OLA1: variants seen among roughly 807,000 people sequenced by gnomAD.
OLA1 encodes obg-like ATPase 1.
Under a neutral mutation model 48.4 loss-of-function variants are expected in OLA1, and 14 were observed. The observed-to-expected ratio is 0.29, with a 90% confidence interval of 0.19 to 0.45. The LOEUF (loss-of-function observed/expected upper bound fraction) is 0.45, where lower values mean the gene tolerates loss of function less well. Among genes scored for constraint, OLA1 ranks in the 20% least tolerant of loss-of-function variants. The pLI is 1.00. For synonymous variants in OLA1, 127 were observed against 150.4 expected, an observed-to-expected ratio of 0.84 and a Z score of 1.14; for missense variants, 325 against 467.1, an observed-to-expected ratio of 0.70 and a Z score of 2.80.
At chr2:174,226,662 G>A (rs1688623313) in intron 3 of OLA1, among the ~76,000 whole-genome samples, 1 of 152,010 alleles carries the variant, frequency 6.6e-6, no homozygotes, top group South Asian at 2.1e-4. Context: ...ACCACGTCCG[G>A]CTACTTTTGT....
At chr2:174,247,655 T>G (rs903115739) in intron 1 of OLA1, 133 of 1,550,744 alleles carry the variant, frequency 8.6e-5, no homozygotes, top group Middle Eastern at 5.0e-4. Flanking sequence ...ATTTTTCACA[T>G]AGATGAACAC....
chr2:174,128,163 C>T (rs1686088324), intron 5 of OLA1, among the ~76,000 whole-genome samples: 1 of 151,800 alleles, frequency 6.6e-6, no homozygotes, highest in Admixed American at 6.6e-5. Flanking sequence ...GAGGCTGAGG[C>T]AGGAGGCTGG....
intron 4 of OLA1, among the ~76,000 whole-genome samples, chr2:174,202,608 GAA>G (rs1270097165): frequency 6.6e-6 from 1 of 152,160 alleles, no homozygotes; most frequent in Non-Finnish European, 1.5e-5. Flanking sequence ...ACTTGACAAC[GAA>G]ATGTTGAATT....
At chr2:174,209,064 A>G (rs986553684) in intron 4 of OLA1, among the ~76,000 whole-genome samples, 5 of 152,202 alleles carry the variant, frequency 3.3e-5, no homozygotes, top group Non-Finnish European at 7.3e-5. Context: ...AGACTGAGAC[A>G]GTAGGACTGC....
At chr2:174,121,925 C>T (rs903241387) in intron 7 of OLA1, among the ~76,000 whole-genome samples, 1 of 152,036 alleles carries the variant, frequency 6.6e-6, no homozygotes, top group South Asian at 2.1e-4. Flanking sequence ...TTTCACAGAG[C>T]CTCAGGAAAC....
intron 7 of OLA1, among the ~76,000 whole-genome samples, chr2:174,120,349 C>T (rs569564404): frequency 2.6e-5 from 4 of 152,192 alleles, no homozygotes; most frequent in African/African-American, 7.2e-5. Context: ...AACAGCTGAT[C>T]GTGTTTAGAA....
intron 4 of OLA1, among the ~76,000 whole-genome samples, chr2:174,162,615 G>A (rs1474057538): frequency 6.6e-6 from 1 of 152,038 alleles, no homozygotes; most frequent in Non-Finnish European, 1.5e-5. Context: ...TAATATATAC[G>A]TCTAAATAAT....
chr2:174,150,516 T>C (rs1159449421), intron 4 of OLA1, among the ~76,000 whole-genome samples: 1 of 152,222 alleles, frequency 6.6e-6, no homozygotes. Flanking sequence ...TAGAGTTTTC[T>C]TGGGAATAAG....
intron 5 of OLA1, among the ~76,000 whole-genome samples, chr2:174,130,563 T>G (rs1686157901): frequency 6.6e-6 from 1 of 152,120 alleles, no homozygotes. Flanking sequence ...GAGGCATAGA[T>G]CTCAGCAAAG....
Position 174,229,309 on chromosome 2 carries a change from T to C in OLA1, c.244A>G (p.Ser82Gly). The change falls in exon 3 of 11, where the codon AGC (serine) becomes GGC (glycine). Residue 82 changes from serine (S) to glycine (G), a missense_variant and splice_region_variant. Ser to Gly is a moderately conservative substitution (Grantham distance 56). Coordinates refer to ENST00000284719, the MANE Select transcript of OLA1 (RefSeq NM_013341.5). Reference sequence around the variant, plus strand: ...TAAATAGCATAAAATATCTCTTACCTTGCTGGTTTGTGGTATTGACAAAGA... The same window carrying C: ...TAAATAGCATAAAATATCTCTTACCCTGCTGGTTTGTGGTATTGACAAAGA... ...DFLCQYHKPA[S>G]KIPAFLNVVD... is the part of the protein sequence containing the mutation. 1 of 1,611,832 alleles carries C rather than the reference T, an allele frequency of 6.2e-7. No individual in the cohort carries two copies. The highest frequency in any genetic ancestry group is 8.5e-7 in the Non-Finnish European group (1 of 1,179,762).
chr2:174,233,522 T>C (rs948633182), intron 2 of OLA1, among the ~76,000 whole-genome samples: 1 of 152,076 alleles, frequency 6.6e-6, no homozygotes, highest in African/African-American at 2.4e-5. Context: ...TACAGGTGCA[T>C]GACACCACGG....
chr2:174,202,411 A>G (rs937191305), intron 4 of OLA1, among the ~76,000 whole-genome samples: 14 of 152,210 alleles, frequency 9.2e-5, no homozygotes, highest in African/African-American at 2.9e-4. Flanking sequence ...GACATTAATC[A>G]TCTTCCTGTG....
intron 4 of OLA1, among the ~76,000 whole-genome samples, chr2:174,215,047 CAAA>C (rs527994410): frequency 9.1e-6 from 1 of 109,744 alleles, no homozygotes. Flanking sequence ...GAGACTATCT[CAAA>C]AAAAAAAAAA....
In OLA1 at chr2:174,189,101, T is replaced by C. The variant is rs565365272; in HGVS notation, c.373+33932A>G. Among the ~76,000 whole-genome samples the C allele has an allele frequency of 5.3e-5, 8 of 152,270 alleles. No individual in the cohort carries two copies. The East Asian group carries it at 5.8e-4, about 11-fold the overall frequency. On this transcript the variant is annotated intron_variant, in intron 4 of 10. Coordinates refer to ENST00000284719, the MANE Select transcript of OLA1 (RefSeq NM_013341.5). The stretch of plus-strand genomic sequence containing the variant: ...TAAAAGCAGCTCAAATCCATAAATA[T>C]AGACTTTTTAATACACATTATTGAA...
At chr2:174,224,285 C>A (rs914368984) in intron 3 of OLA1, among the ~76,000 whole-genome samples, 4 of 152,180 alleles carry the variant, frequency 2.6e-5, no homozygotes, top group Admixed American at 1.3e-4. Flanking sequence ...CCACTGCCCC[C>A]TCTCGGTACC....
At chr2:174,239,526 A>G (rs931214095) in intron 2 of OLA1, among the ~76,000 whole-genome samples, 1 of 152,206 alleles carries the variant, frequency 6.6e-6, no homozygotes, top group Non-Finnish European at 1.5e-5. Flanking sequence ...TGTCAAGGAT[A>G]TCAAACACAA....
At chr2:174,223,765 CAAAAAAAAAAAA>C (rs71021680) in intron 3 of OLA1, among the ~76,000 whole-genome samples, 1 of 73,342 alleles carries the variant, frequency 1.4e-5, no homozygotes, top group Non-Finnish European at 2.6e-5. Context: ...GTTATATAGA[CAAAAAAAAAAAA>C]AAAAAAAAAA....
intron 7 of OLA1, among the ~76,000 whole-genome samples, chr2:174,097,109 T>C (rs547292059): frequency 9.9e-5 from 15 of 152,216 alleles, no homozygotes; most frequent in African/African-American, 3.4e-4. Flanking sequence ...TGAGCCGAGA[T>C]CGCACCACTA....
In OLA1 at chr2:174,073,200, G is replaced by A. The variant is rs1372544158; in HGVS notation, c.*2226C>T. ...TTTTTATGTAGAGATGATGTTTCAT[G>A]ATGTTGCACAGGCTGGTCTCAAACT... On this transcript the variant is annotated 3_prime_UTR_variant, in exon 11 of 11. Coordinates refer to ENST00000284719, the MANE Select transcript of OLA1 (RefSeq NM_013341.5). 2.6e-5 allele frequency: 4 copies of A among 152,074 alleles called. No individual in the cohort carries two copies. Among genetic ancestry groups the A allele is most frequent in the Non-Finnish European group, 5.9e-5 (4 of 68,026 alleles). 9.4% of individuals were successfully genotyped at this position (152,074 alleles called of 1,614,324 possible). A position where few individuals can be genotyped will look rare whatever the true frequency, so the allele number is the denominator to read the frequency against.
Sources: allele counts gnomAD v4.1 joint callset (sites outside exome capture counted in the v4.1 genomes callset), GRCh38; gene constraint gnomAD v4.1.1; transcripts MANE v1.5; gene names NCBI Gene and HGNC (gene_info 2026-07-23, HGNC 2026-07-21).